Variants in ZSWIM9 observed in about 807,000 individuals in gnomAD.
The protein encoded by ZSWIM9 is zinc finger SWIM-type containing 9, also known as uncharacterized protein ZSWIM9.
ZSWIM9 carries 11 observed loss-of-function variants against 25.0 expected under a neutral mutation model. That is an observed-to-expected ratio of 0.44 (90% CI 0.28 to 0.73). The LOEUF is 0.73. Ranked by LOEUF, ZSWIM9 falls within the 30% of genes least tolerant of loss-of-function variation. The pLI, the probability that ZSWIM9 is intolerant of heterozygous loss-of-function variation, is 0.16. For synonymous variants in ZSWIM9, 562 were observed against 582.1 expected (o/e 0.97, Z 0.50); for missense variants, 1,070 against 1,296.5 (o/e 0.83, Z 2.68).
At chr19:48,178,066 T>G (rs2036911007) in intron 2 of ZSWIM9, among the ~76,000 whole-genome samples, 1 of 152,082 alleles carries the variant, frequency 6.6e-6, no homozygotes, top group Admixed American at 6.5e-5. Flanking sequence ...CTCAGCTAAT[T>G]TTTGTATTTT....
chr19:48,172,130 G>A, intron 2 of ZSWIM9, 53 bp downstream of exon 2: 3 of 1,369,554 alleles, frequency 2.2e-6, no homozygotes, highest in Non-Finnish European at 2.9e-6. Context: ...CACCGGGGGT[G>A]GGTGTGGGTG....
At chr19:48,188,336 C>T (rs2037055306) in intron 3 of ZSWIM9, among the ~76,000 whole-genome samples, 1 of 151,954 alleles carries the variant, frequency 6.6e-6, no homozygotes, top group South Asian at 2.1e-4. Context: ...GATTCTTGTG[C>T]CTCAGCCTCT....
rs141963966 is a variant in ZSWIM9 at position 48,186,788 on chromosome 19, C to T, written c.588+4021C>T. On this transcript the variant is annotated intron_variant, in intron 3 of 3. Coordinates refer to ENST00000614654, the MANE Select transcript of ZSWIM9 (RefSeq NM_199341.4). The stretch of plus-strand genomic sequence containing the variant: ...GAGCTGCAGGGGCAGAGGCAGGGAG[C>T]TGTCAGGCATTCAGCCAGCAAGACG... 9.7e-3 allele frequency: 1,501 copies of T among 154,652 alleles called. 17 individuals carry two copies. Among genetic ancestry groups the T allele is most frequent in the African/African-American group, 0.032 (1,348 of 41,614 alleles). 9.6% of individuals were successfully genotyped at this position (154,652 alleles called of 1,614,324 possible). A position where few individuals can be genotyped will look rare whatever the true frequency, so the allele number is the denominator to read the frequency against.
chr19:48,185,816 ATC>A (rs369211278), intron 3 of ZSWIM9, among the ~76,000 whole-genome samples: 1 of 152,220 alleles, frequency 6.6e-6, no homozygotes, highest in East Asian at 1.9e-4. Flanking sequence ...GCAAAACCTG[ATC>A]TCTACTAAAA....
In ZSWIM9 at chr19:48,194,866, C is replaced by T; in HGVS notation, c.802C>T (p.Pro268Ser). 1 of 1,353,264 alleles carries T rather than the reference C, an allele frequency of 7.4e-7. No homozygotes were observed. Among genetic ancestry groups the T allele is most frequent in the Non-Finnish European group, 9.4e-7 (1 of 1,060,268 alleles). 83.8% of individuals were successfully genotyped at this position (1,353,264 alleles called of 1,614,324 possible). ...CTGCTGCGTGGCGCGCCCGGGCACA[C>T]CGAGCCTGCTGCGCTTCGCGCTCGC... Reference protein sequence around the residue: ...AACCVARPGTPSLLRFALASL... With the variant: ...AACCVARPGTSSLLRFALASL... Residue 268 changes from proline to serine, a missense_variant, in exon 4 of 4, where the codon CCG (proline) becomes TCG (serine). By Grantham distance (74) the Pro-to-Ser change is moderately conservative. Coordinates refer to ENST00000614654, the MANE Select transcript of ZSWIM9 (RefSeq NM_199341.4). This position sits in a 1 kb window ranked among gnomAD's most constrained non-coding sequence, Gnocchi z 6.0.
chr19:48,172,799 G>A (rs2036854400), intron 2 of ZSWIM9, among the ~76,000 whole-genome samples: 1 of 152,160 alleles, frequency 6.6e-6, no homozygotes. Context: ...ACAGCCGCGA[G>A]CCACTGTGCC....
intron 3 of ZSWIM9, among the ~76,000 whole-genome samples, chr19:48,183,989 T>C (rs1269290620): frequency 6.6e-6 from 1 of 150,598 alleles, no homozygotes; most frequent in East Asian, 2.0e-4. Context: ...AAACAGAAAA[T>C]GCACAAATGA....
At chr19:48,190,522 G>A (rs968537785) in intron 3 of ZSWIM9, 6 of 154,868 alleles carry the variant, frequency 3.9e-5, no homozygotes, top group Admixed American at 2.0e-4. Context: ...GGCTGCGAAG[G>A]CTTCTCCTTG....
At chr19:48,188,875 C>G (rs2037061469) in intron 3 of ZSWIM9, among the ~76,000 whole-genome samples, 1 of 151,628 alleles carries the variant, frequency 6.6e-6, no homozygotes. Flanking sequence ...ACTAAAAATA[C>G]AAAAAATTAG....
In ZSWIM9 at chr19:48,188,457, G is replaced by A. The variant is rs563071382; in HGVS notation, c.588+5690G>A. Among the ~76,000 whole-genome samples the A allele has an allele frequency of 1.1e-4, 16 of 152,062 alleles. No individual in the cohort carries two copies. The East Asian group carries it at 2.6e-3, about 24-fold the overall frequency. On this transcript the variant is annotated intron_variant, in intron 3 of 3. Coordinates refer to ENST00000614654, the MANE Select transcript of ZSWIM9 (RefSeq NM_199341.4). ...TTGGCCAGAATGGTCTCGATCTCCT[G>A]GCCTGGTGATCTGCCTGCCTCGGCC...
intron 3 of ZSWIM9, among the ~76,000 whole-genome samples, chr19:48,190,312 T>C (rs115738086): frequency 0.013 from 1,978 of 152,208 alleles, 46 homozygotes; most frequent in African/African-American, 0.044. Flanking sequence ...GGTCTTGAGG[T>C]TGTGTGAGTC....
chr19:48,171,610 G>A (rs2036812239), intron 1 of ZSWIM9, among the ~76,000 whole-genome samples, 184 bp from the exon 2 acceptor site: 1 of 152,084 alleles, frequency 6.6e-6, no homozygotes, highest in Admixed American at 6.5e-5. Context: ...GCGGTGGGAG[G>A]AGGCCAAAGA....
chr19:48,185,072 G>C (rs888103706), intron 3 of ZSWIM9, among the ~76,000 whole-genome samples: 8 of 152,130 alleles, frequency 5.3e-5, no homozygotes, highest in East Asian at 1.9e-4. Flanking sequence ...CATTTTGAAG[G>C]CTGTCTTGGA....
intron 1 of ZSWIM9, chr19:48,171,446 A>G (rs2036807522): frequency 1.1e-6 from 1 of 940,970 alleles, no homozygotes; most frequent in African/African-American, 1.8e-5. Context: ...ATTTGAGAAC[A>G]CATTTGAGGA....
intron 3 of ZSWIM9, among the ~76,000 whole-genome samples, chr19:48,191,084 GTA>G (rs1174977408): frequency 3.6e-4 from 52 of 142,954 alleles, no homozygotes; most frequent in South Asian, 1.3e-3. Flanking sequence ...AGTGCAGTGT[GTA>G]TGTGTATGTG....
Position 48,171,984 on chromosome 19 carries a change from C to G in ZSWIM9, c.182C>G (p.Ala61Gly). ...MHLARCRWAS[A>G]PPLYTLIDVL... ...CTGGCGCGCTGCCGCTGGGCCAGTG[C>G]GCCCCCGCTCTACACGCTCATCGAC... Residue 61 changes from alanine to glycine, a missense_variant, in exon 2 of 4, where the codon GCG (alanine) becomes GGG (glycine). By Grantham distance (60) the Ala-to-Gly change is moderately conservative (BLOSUM62 0). Transcript: ENST00000614654. 1 of 1,535,664 alleles carries G rather than the reference C, an allele frequency of 6.5e-7. No individual in the cohort carries two copies. Among genetic ancestry groups the G allele is most frequent in the Non-Finnish European group, 8.7e-7 (1 of 1,146,622 alleles).
chr19:48,183,098 T>A, intron 3 of ZSWIM9: 1 of 185,784 alleles, frequency 5.4e-6, no homozygotes, highest in Non-Finnish European at 1.1e-5. Flanking sequence ...AGGAACTGAA[T>A]TAATTAATTA....
At position 48,171,812 on chromosome 19, in the gene ZSWIM9, C is replaced by A. The variant is rs1440238530; in HGVS notation, c.10C>A (p.Pro4Thr). The change falls in exon 2 of 4, where the codon CCG becomes ACG. Residue 4 changes from proline (P) to threonine (T), a missense_variant. Pro to Thr is a conservative substitution (Grantham distance 38, BLOSUM62 -1). Coordinates refer to ENST00000614654, the MANE Select transcript of ZSWIM9 (RefSeq NM_199341.4). MER[P>T]EPPPGTAAGQ... Reference sequence around the variant, plus strand: ...CACGCAGGCCCCCAGGATGGAGCGGCCGGAGCCCCCACCCGGCACGGCTGC... The same window carrying A: ...CACGCAGGCCCCCAGGATGGAGCGGACGGAGCCCCCACCCGGCACGGCTGC... 6.5e-7 allele frequency: 1 copy of A among 1,532,298 alleles called. No homozygotes were observed. Among genetic ancestry groups the A allele is most frequent in the African/African-American group, 1.4e-5 (1 of 72,878 alleles). The allele number at this position is 1,532,298 out of a possible 1,614,324, so 94.9% of individuals were successfully genotyped here.
intron 2 of ZSWIM9, among the ~76,000 whole-genome samples, chr19:48,175,634 C>T (rs1292320400): frequency 1.3e-5 from 2 of 151,592 alleles, no homozygotes; most frequent in African/African-American, 4.9e-5. Flanking sequence ...GTGTGGGAGA[C>T]GATGTGGGGG....
Sources: gnomAD v4.1 joint callset for allele counts (sites outside exome capture counted in the v4.1 genomes callset) on GRCh38, gnomAD v4.1.1 for gene constraint, Gnocchi (gnomAD v3.1) non-coding constraint, MANE v1.5 for transcripts, NCBI Gene and HGNC (gene_info 2026-07-23, HGNC 2026-07-21) for gene names.